Variants in ZNF528 observed in about 807,000 individuals in gnomAD.
ZNF528 encodes the protein zinc finger protein 528.
In ZNF528, 9 loss-of-function variants were observed where a neutral mutation model predicts 13.3. The ratio of observed to expected loss-of-function variants is 0.67; its 90% confidence interval spans 0.41 to 1.18. ZNF528 has a LOEUF of 1.18. ZNF528 is among the 50% of genes most tolerant of loss of function. The pLI, the probability that ZNF528 is intolerant of heterozygous loss-of-function variation, is 0.01. For missense variants in ZNF528, 858 were observed against 745.4 expected (o/e 1.15, Z -1.76); for synonymous variants, 264 against 254.3 (o/e 1.04, Z -0.36).
Position 52,417,044 on chromosome 19 carries a change from C to A in ZNF528, c.*305C>A. Reference sequence around the variant, plus strand: ...TGATATTGCATGATGCAGAATAATGCTAAGTCAAAATATGTTGAATCTCAT... The same window carrying A: ...TGATATTGCATGATGCAGAATAATGATAAGTCAAAATATGTTGAATCTCAT... On this transcript the variant is annotated 3_prime_UTR_variant, in exon 7 of 7. Coordinates refer to ENST00000360465, the MANE Select transcript of ZNF528 (RefSeq NM_032423.3). 3.0e-6 allele frequency: 1 copy of A among 331,606 alleles called. No individual in the cohort carries two copies. Among genetic ancestry groups the A allele is most frequent in the Non-Finnish European group, 5.6e-6 (1 of 179,286 alleles). The allele number at this position is 331,606 out of a possible 1,614,324, so 20.5% of individuals were successfully genotyped here.
At chr19:52,410,294 G>C (rs1409387409) in intron 6 of ZNF528, among the ~76,000 whole-genome samples, 3 of 152,168 alleles carry the variant, frequency 2.0e-5, no homozygotes, top group Non-Finnish European at 4.4e-5. Flanking sequence ...AATGGACAAG[G>C]GCCCTGAGCT....
Position 52,406,531 on chromosome 19 carries a change from C to A in ZNF528, c.159C>A (p.Asp53Glu). Residue 53 changes from aspartate (D) to glutamate (E), a missense_variant, in exon 6 of 7, where the codon GAC becomes GAA. Coordinates refer to ENST00000360465, the MANE Select transcript of ZNF528 (RefSeq NM_032423.3). ...TATAAATAGGAATCTGTCTTCCTGA[C>A]CTGAGTGTTACCTCCATGTTAGAGC... ...NLVSLGICLP[D>E]LSVTSMLEQK... 1 of 1,613,792 alleles carries A rather than the reference C, an allele frequency of 6.2e-7. No homozygotes were observed. The highest frequency in any genetic ancestry group is 8.5e-7 in the Non-Finnish European group (1 of 1,179,920).
Position 52,401,703 on chromosome 19 carries a change from A to G in ZNF528, c.-118A>G, listed in dbSNP as rs753301509. ...TTTTTAGGTTCACAAATTTTAAGAA[A>G]GGGAGAATAAAGTGAAAAAAATCTC... On this transcript the variant is annotated 5_prime_UTR_variant, in exon 3 of 7. Transcript: ENST00000360465. 27 of 1,348,102 alleles carry G rather than the reference A, an allele frequency of 2.0e-5. No individual in the cohort carries two copies. The highest frequency in any genetic ancestry group is 2.5e-5 in the Non-Finnish European group (26 of 1,032,992). 83.5% of individuals were successfully genotyped at this position (1,348,102 alleles called of 1,614,324 possible). A position where few individuals can be genotyped will look rare whatever the true frequency, so the allele number is the denominator to read the frequency against.
Position 52,416,426 on chromosome 19 carries a change from A to G in ZNF528, c.1574A>G (p.Gln525Arg). The G allele has an allele frequency of 6.2e-7, 1 of 1,614,138 alleles. No homozygotes were observed. Reference sequence around the variant, plus strand: ...GGAGAAAAGCCTTACAAATGTAATCAATGTGGCAAGGTCTTTAATCAAGCA... The same window carrying G: ...GGAGAAAAGCCTTACAAATGTAATCGATGTGGCAAGGTCTTTAATCAAGCA... ...HTGEKPYKCN[Q>R]CGKVFNQASY... Residue 525 changes from glutamine to arginine, a missense_variant, in exon 7 of 7, where the codon CAA becomes CGA. Gln to Arg is a conservative substitution (Grantham distance 43). Transcript: ENST00000360465.
In ZNF528 at chr19:52,417,474, A is replaced by C. The variant is rs1198920402; in HGVS notation, c.*735A>C. 2 of 155,512 alleles carry C rather than the reference A, an allele frequency of 1.3e-5. No homozygotes were observed. Among genetic ancestry groups the C allele is most frequent in the Non-Finnish European group, 2.8e-5 (2 of 70,466 alleles). 9.6% of individuals were successfully genotyped at this position (155,512 alleles called of 1,614,324 possible). A position where few individuals can be genotyped will look rare whatever the true frequency, so the allele number is the denominator to read the frequency against. ...CTGACCATGAAATAGAGTATGCTGT[A>C]ATCTTAAGGCATAGGTTATTAGTGG... is the stretch of plus-strand genomic sequence containing the variant. On this transcript the variant is annotated 3_prime_UTR_variant, in exon 7 of 7. Coordinates refer to ENST00000360465, the MANE Select transcript of ZNF528 (RefSeq NM_032423.3).
At chr19:52,411,041 TG>T (rs2058924797) in intron 6 of ZNF528, among the ~76,000 whole-genome samples, 1 of 152,220 alleles carries the variant, frequency 6.6e-6, no homozygotes, top group Non-Finnish European at 1.5e-5. Context: ...GGAGCAATTT[TG>T]GGATTCCGTT....
At chr19:52,404,163 C>T (rs1248962536) in intron 4 of ZNF528, among the ~76,000 whole-genome samples, 5 of 152,092 alleles carry the variant, frequency 3.3e-5, no homozygotes, top group East Asian at 1.9e-4. Flanking sequence ...ACACCTGGGG[C>T]GAGTTTCCTA....
chr19:52,409,302 C>CT (rs201367844), intron 6 of ZNF528, among the ~76,000 whole-genome samples: 16,280 of 140,448 alleles, frequency 0.12, 1,012 homozygotes, highest in East Asian at 0.26. Context: ...GATCAAATCT[C>CT]TTTTTTTTTT....
At chr19:52,413,169 C>T (rs2058953281) in intron 6 of ZNF528, 1 of 152,314 alleles carries the variant, frequency 6.6e-6, no homozygotes, top group South Asian at 2.1e-4. Context: ...GCGCATTTAG[C>T]AGCCTGTGAA....
intron 6 of ZNF528, chr19:52,411,701 G>A (rs1318436497): frequency 6.6e-6 from 1 of 152,136 alleles, no homozygotes; most frequent in African/African-American, 2.4e-5. Context: ...GCCCTTTTCT[G>A]TTTTTCCAGT....
In ZNF528 at chr19:52,415,819, A is replaced by G. The variant is rs150835872; in HGVS notation, c.967A>G (p.Lys323Glu). The change falls in exon 7 of 7, where the codon AAA becomes GAA. Residue 323 changes from lysine to glutamate, a missense_variant. Transcript: ENST00000360465. ...ACATCAAAAAATTCATACTGGAGAG[A>G]AACCTTACAGTTGTAATAAATGTGG... ...VRHQKIHTGE[K>E]PYSCNKCGKV... The G allele has an allele frequency of 1.3e-5, 21 of 1,614,056 alleles. No homozygotes were observed. The African/African-American group carries it at 2.5e-4, about 19-fold the overall frequency.
chr19:52,416,670 A>C lies in ZNF528; in HGVS notation c.1818A>C (p.Lys606Asn), dbSNP rs143503832. The C allele has an allele frequency of 6.2e-7, 1 of 1,613,852 alleles. No homozygotes were observed. The highest frequency in any genetic ancestry group is 2.2e-5 in the East Asian group (1 of 44,890). ...HRIHIGEKPY[K>N]CTLCSKVFSH... ...TTCACATTGGAGAGAAACCTTACAA[A>C]TGCACCCTGTGCAGTAAGGTCTTCA... The change falls in exon 7 of 7, where the codon AAA becomes AAC. Residue 606 changes from lysine to asparagine, a missense_variant. Physicochemically the swap from Lys to Asn is moderately conservative, Grantham distance 94 (BLOSUM62 0). Transcript: ENST00000360465.
intron 3 of ZNF528, 21 bp from the exon 4 acceptor site, chr19:52,401,926 C>T (rs1206922480): frequency 3.1e-6 from 5 of 1,609,374 alleles, no homozygotes; most frequent in Non-Finnish European, 4.2e-6. Flanking sequence ...AAGCCCTAAG[C>T]AGCATATTTT....
chr19:52,415,739 C>T lies in ZNF528; in HGVS notation c.887C>T (p.Pro296Leu), dbSNP rs751541109. 6.2e-7 allele frequency: 1 copy of T among 1,614,134 alleles called. No individual in the cohort carries two copies. The highest frequency in any genetic ancestry group is 1.7e-5 in the Admixed American group (1 of 60,020). The change falls in exon 7 of 7, where the codon CCT becomes CTT. Residue 296 changes from proline (P) to leucine (L), a missense_variant. Physicochemically the swap from Pro to Leu is moderately conservative, Grantham distance 98. Coordinates refer to ENST00000360465, the MANE Select transcript of ZNF528 (RefSeq NM_032423.3). ...CAAAGAATTCATACTGGAGAGAAGC[C>T]TTACAAATGTCATGAATGTGACAAG... ...QHQRIHTGEKPYKCHECDKVF... is the reference protein window; with the variant it reads ...QHQRIHTGEKLYKCHECDKVF...
At chr19:52,402,247 G>T (rs546351532) in intron 4 of ZNF528, among the ~76,000 whole-genome samples, 14 of 152,126 alleles carry the variant, frequency 9.2e-5, no homozygotes, top group Admixed American at 9.2e-4. Flanking sequence ...TGGTCCGGGG[G>T]AGGGCTCTCA....
At chr19:52,413,702 C>T (rs534637291) in intron 6 of ZNF528, 7 of 152,334 alleles carry the variant, frequency 4.6e-5, no homozygotes, top group African/African-American at 1.7e-4. Flanking sequence ...TATCCTCCCT[C>T]TCCTGTTTTT....
At chr19:52,400,241 C>T (rs2058776060) in intron 2 of ZNF528, among the ~76,000 whole-genome samples, 1 of 149,948 alleles carries the variant, frequency 6.7e-6, no homozygotes, top group African/African-American at 2.5e-5. Context: ...CACACACACA[C>T]ACACACACAC....
chr19:52,408,128 A>T (rs1430350842), intron 6 of ZNF528: 1 of 151,622 alleles, frequency 6.6e-6, no homozygotes, highest in African/African-American at 2.4e-5. Flanking sequence ...TATATATTTT[A>T]TGTTCCCATT....
chr19:52,405,856 C>T (rs763066728), intron 4 of ZNF528, 51 bp from the exon 5 acceptor site: 5 of 1,595,406 alleles, frequency 3.1e-6, no homozygotes, highest in East Asian at 4.6e-5. Context: ...TTCTTTGTGA[C>T]GATGAGTACT....
Sources: allele counts gnomAD v4.1 joint callset (sites outside exome capture counted in the v4.1 genomes callset), GRCh38; gene constraint gnomAD v4.1.1; transcripts MANE v1.5; gene names NCBI Gene and HGNC (gene_info 2026-07-23, HGNC 2026-07-21).